The following SLC38A1 variants were observed in gnomAD, a reference collection of about 807,000 sequenced individuals.
The protein encoded by SLC38A1 is sodium-coupled neutral amino acid symporter 1.
In SLC38A1, 18 loss-of-function variants were observed where a neutral mutation model predicts 60.3. That is an observed-to-expected ratio of 0.30 (90% CI 0.21 to 0.44). The LOEUF is 0.44. Ranked by LOEUF, SLC38A1 falls within the 20% of genes least tolerant of loss-of-function variation. The probability of loss-of-function intolerance (pLI) is 1.00; values close to 1 mark genes in which losing one functional copy is unlikely to be tolerated. For missense variants in SLC38A1, 448 were observed against 587.2 expected, an observed-to-expected ratio of 0.76 and a Z score of 2.45; for synonymous variants, 196 against 212.1, an observed-to-expected ratio of 0.92 and a Z score of 0.66.
At chr12:46,199,902 C>T (rs983560258) in intron 13 of SLC38A1, among the ~76,000 whole-genome samples, 2 of 152,140 alleles carry the variant, frequency 1.3e-5, no homozygotes, top group African/African-American at 4.8e-5. Context: ...AAAAAAGAAC[C>T]ATAAGTTATA....
At chr12:46,218,225 A>G (rs1940499703) in intron 5 of SLC38A1, among the ~76,000 whole-genome samples, 1 of 152,118 alleles carries the variant, frequency 6.6e-6, no homozygotes, top group South Asian at 2.1e-4. Context: ...ATAACTCTTG[A>G]CACTCTTGAT....
chr12:46,253,130 G>A lies in SLC38A1; in HGVS notation c.-208-9816C>T, dbSNP rs1423221044. Among the ~76,000 whole-genome samples the A allele has an allele frequency of 2.0e-5, 3 of 152,102 alleles. No homozygotes were observed. The East Asian group carries it at 5.8e-4, about 29-fold the overall frequency. On this transcript the variant is annotated intron_variant, in intron 1 of 16. Coordinates refer to ENST00000398637, the MANE Select transcript of SLC38A1 (RefSeq NM_030674.4). Reference sequence around the variant, plus strand: ...GATGTGTAGGATGAATAAGTCTAGGGAGCAAATGTACAACATGAGGACTGT... The same window carrying A: ...GATGTGTAGGATGAATAAGTCTAGGAAGCAAATGTACAACATGAGGACTGT...
intron 1 of SLC38A1, among the ~76,000 whole-genome samples, chr12:46,246,961 T>C (rs1238059081): frequency 6.6e-6 from 1 of 152,016 alleles, no homozygotes; most frequent in East Asian, 1.9e-4. Context: ...AAAGGAAAAC[T>C]AATAAACAGA....
intron 16 of SLC38A1, among the ~76,000 whole-genome samples, chr12:46,189,472 T>C (rs1939052580): frequency 6.6e-6 from 1 of 152,078 alleles, no homozygotes; most frequent in South Asian, 2.1e-4. Flanking sequence ...AGCTTATCAC[T>C]GGCAAGCAAA....
At chr12:46,196,276 G>GCTAA in intron 16 of SLC38A1, 1 of 1,535,828 alleles carries the variant, frequency 6.5e-7, no homozygotes, top group Non-Finnish European at 8.7e-7. Flanking sequence ...AAGAGAAAGA[G>GCTAA]CTAAGGAAGG....
At position 46,204,516 on chromosome 12, in the gene SLC38A1, T is replaced by C. The variant is rs549091431; in HGVS notation, c.705+16A>G. On this transcript the variant is annotated intron_variant, in intron 10 of 16. Coordinates refer to ENST00000398637, the MANE Select transcript of SLC38A1 (RefSeq NM_030674.4). ...ACTATCACAAAACCAAACCAACCAT[T>C]GCAATCAGCACTTACCACAATTAGG... The C allele has an allele frequency of 5.0e-6, 8 of 1,612,634 alleles. 1 individual carries two copies. In the South Asian group the frequency reaches 8.8e-5, roughly 18 times the overall value.
At chr12:46,200,897 A>G (rs1285365821) in intron 13 of SLC38A1, among the ~76,000 whole-genome samples, 1 of 152,196 alleles carries the variant, frequency 6.6e-6, no homozygotes, top group African/African-American at 2.4e-5. Flanking sequence ...AATTATAAAT[A>G]TTGTTTGAGT....
intron 9 of SLC38A1, among the ~76,000 whole-genome samples, chr12:46,205,336 G>C (rs1592081427): frequency 6.6e-6 from 1 of 152,190 alleles, no homozygotes; most frequent in Admixed American, 6.5e-5. Flanking sequence ...CAACTACAGA[G>C]CTGTTTTGTT....
chr12:46,237,140 A>T (rs1214101288), intron 3 of SLC38A1, among the ~76,000 whole-genome samples: 1 of 152,246 alleles, frequency 6.6e-6, no homozygotes, highest in African/African-American at 2.4e-5. Context: ...GCCAAGTAAC[A>T]CACCATCAAT....
At chr12:46,250,216 A>G (rs1017499031) in intron 1 of SLC38A1, among the ~76,000 whole-genome samples, 37 of 152,316 alleles carry the variant, frequency 2.4e-4, no homozygotes, top group African/African-American at 8.9e-4. Flanking sequence ...CCATCACATA[A>G]ACAGAACCAA....
intron 16 of SLC38A1, among the ~76,000 whole-genome samples, chr12:46,189,303 G>A (rs760317144): frequency 7.3e-5 from 11 of 151,700 alleles, no homozygotes; most frequent in Non-Finnish European, 8.8e-5. Flanking sequence ...AGTCCTCTAT[G>A]TCCCATTCTT....
intron 16 of SLC38A1, among the ~76,000 whole-genome samples, chr12:46,192,814 C>A (rs1939200353): frequency 6.6e-6 from 1 of 151,742 alleles, no homozygotes; most frequent in African/African-American, 2.4e-5. Flanking sequence ...CTATTTGATT[C>A]TTCTCTCTTT....
At chr12:46,237,514 C>T (rs555431731) in intron 3 of SLC38A1, among the ~76,000 whole-genome samples, 1 of 151,886 alleles carries the variant, frequency 6.6e-6, no homozygotes, top group Non-Finnish European at 1.5e-5. Flanking sequence ...AAAAACTCAT[C>T]ACACTGCATT....
Position 46,184,274 on chromosome 12 carries a change from T to G in SLC38A1, c.*4696A>C, listed in dbSNP as rs1404538220. The G allele has an allele frequency of 6.6e-6, 1 of 152,190 alleles. No individual in the cohort carries two copies. Among genetic ancestry groups the G allele is most frequent in the Non-Finnish European group, 1.5e-5 (1 of 68,032 alleles). 9.4% of individuals were successfully genotyped at this position (152,190 alleles called of 1,614,324 possible). A position where few individuals can be genotyped will look rare whatever the true frequency, so the allele number is the denominator to read the frequency against. On this transcript the variant is annotated 3_prime_UTR_variant, in exon 17 of 17. Transcript: ENST00000398637. Reference sequence around the variant, plus strand: ...CTTTATCTCGTTATAAATAATTCACTGTAATTTAGGGGAAGTATGTCCTGT... The same window carrying G: ...CTTTATCTCGTTATAAATAATTCACGGTAATTTAGGGGAAGTATGTCCTGT...
intron 5 of SLC38A1, among the ~76,000 whole-genome samples, chr12:46,218,188 G>C (rs1256931157): frequency 6.6e-6 from 1 of 152,198 alleles, no homozygotes; most frequent in African/African-American, 2.4e-5. Context: ...TGGGTAGAGG[G>C]CTGTGGGTTT....
chr12:46,225,457 G>A (rs371510990), intron 5 of SLC38A1, among the ~76,000 whole-genome samples: 2 of 152,172 alleles, frequency 1.3e-5, no homozygotes, highest in East Asian at 3.9e-4. Context: ...ATGAAAATTG[G>A]GAACTGAGTG....
chr12:46,204,928 G>T (rs537792498), intron 9 of SLC38A1, among the ~76,000 whole-genome samples: 1 of 152,202 alleles, frequency 6.6e-6, no homozygotes, highest in African/African-American at 2.4e-5. Context: ...GTAAGTCTGT[G>T]TTGGTGGACC....
At chr12:46,196,620 C>T (rs983917872) in intron 16 of SLC38A1, among the ~76,000 whole-genome samples, 10 of 152,210 alleles carry the variant, frequency 6.6e-5, no homozygotes, top group African/African-American at 1.9e-4. Flanking sequence ...GGATGCTCTA[C>T]TAGCATCAGT....
rs749301116 is a variant in SLC38A1, at chr12:46,239,734, TATC to T, written c.64_66del (p.Asp22del). ...AAATCATTGGAGTCATTGCTAATGT[TATC>T]ATCCTCGGGCACTGTCATGTTTTGC... On this transcript the variant is annotated inframe_deletion, in exon 3 of 17. Transcript: ENST00000398637. The T allele has an allele frequency of 3.7e-6, 6 of 1,613,676 alleles. No individual in the cohort carries two copies. The highest frequency in any genetic ancestry group is 2.2e-5 in the East Asian group (1 of 44,884).
Sources: allele counts gnomAD v4.1 joint callset (sites outside exome capture counted in the v4.1 genomes callset), GRCh38; gene constraint gnomAD v4.1.1; transcripts MANE v1.5; gene names NCBI Gene and HGNC (gene_info 2026-07-23, HGNC 2026-07-21).